FHIT: variants seen among roughly 807,000 people sequenced by gnomAD.
FHIT encodes the protein bis(5'-adenosyl)-triphosphatase.
Under a neutral mutation model 17.9 loss-of-function variants are expected in FHIT, and 19 were observed. That is an observed-to-expected ratio of 1.06 (90% CI 0.74 to 1.56). FHIT has a LOEUF of 1.56. Among genes scored for constraint, FHIT ranks in the 40% most tolerant of loss-of-function variants. FHIT has a pLI of 0.00. For synonymous variants in FHIT, 81 were observed against 69.7 expected (o/e 1.16, Z -0.81); for missense variants, 248 against 189.2 (o/e 1.31, Z -1.82).
chr3:60,529,125 T>A (rs1014627578), intron 5 of FHIT, among the ~76,000 whole-genome samples: 1 of 152,200 alleles, frequency 6.6e-6, no homozygotes, highest in African/African-American at 2.4e-5. Context: ...ATAAGTCCAA[T>A]GTAGGATTTG....
intron 4 of FHIT, among the ~76,000 whole-genome samples, chr3:60,663,629 G>A (rs1425629877): frequency 1.3e-5 from 2 of 151,898 alleles, no homozygotes; most frequent in Admixed American, 6.6e-5. Flanking sequence ...AAGAGAGGGG[G>A]TTTCATCATG....
chr3:60,523,503 A>G (rs1295815448), intron 5 of FHIT, among the ~76,000 whole-genome samples: 2 of 152,190 alleles, frequency 1.3e-5, no homozygotes, highest in African/African-American at 4.8e-5. Context: ...TCAGAAAGAA[A>G]TAGAGATCTA....
intron 5 of FHIT, among the ~76,000 whole-genome samples, chr3:60,053,811 C>T (rs1575986690): frequency 6.6e-6 from 1 of 152,128 alleles, no homozygotes; most frequent in East Asian, 1.9e-4. Flanking sequence ...GTCCTTTCCT[C>T]ATATAACCTC....
chr3:60,572,720 T>C (rs1488810956), intron 4 of FHIT, among the ~76,000 whole-genome samples: 4 of 152,180 alleles, frequency 2.6e-5, no homozygotes, highest in Non-Finnish European at 5.9e-5. Context: ...ATGGAAAGGA[T>C]AGAAGGCTTT....
chr3:61,059,545 T>G (rs1294108558), intron 2 of FHIT, among the ~76,000 whole-genome samples: 1 of 152,144 alleles, frequency 6.6e-6, no homozygotes, highest in Non-Finnish European at 1.5e-5. Flanking sequence ...GAGCAGTATT[T>G]TCATTTGTAA....
intron 2 of FHIT, among the ~76,000 whole-genome samples, chr3:61,121,807 A>C (rs2036465119): frequency 6.6e-6 from 1 of 152,192 alleles, no homozygotes; most frequent in Non-Finnish European, 1.5e-5. Context: ...AAATTGGAAA[A>C]ACAGTTAAGA....
intron 3 of FHIT, among the ~76,000 whole-genome samples, chr3:60,904,480 C>CAA (rs36117889): frequency 4.4e-5 from 6 of 136,418 alleles, no homozygotes; most frequent in Non-Finnish European, 4.7e-5. Context: ...AATCCAAATG[C>CAA]AAAAAAAAAA....
chr3:59,840,523 C>G (rs899138789), intron 8 of FHIT, among the ~76,000 whole-genome samples: 2 of 152,148 alleles, frequency 1.3e-5, no homozygotes, highest in Non-Finnish European at 2.9e-5. Context: ...CCAGTCCCTT[C>G]TGTAGGAGAT....
chr3:60,468,886 A>C (rs1165265278), intron 5 of FHIT, among the ~76,000 whole-genome samples: 1 of 152,076 alleles, frequency 6.6e-6, no homozygotes, highest in African/African-American at 2.4e-5. Context: ...TTTGTCTGGG[A>C]AAGTCTTTAT....
intron 4 of FHIT, among the ~76,000 whole-genome samples, chr3:60,590,053 C>T (rs537223648): frequency 1.8e-3 from 274 of 152,132 alleles, no homozygotes; most frequent in African/African-American, 6.2e-3. Context: ...AAGGAGTCCT[C>T]TTTTAATTTT....
intron 8 of FHIT, among the ~76,000 whole-genome samples, chr3:59,828,399 G>T (rs1254311838): frequency 6.6e-6 from 1 of 152,114 alleles, no homozygotes; most frequent in Non-Finnish European, 1.5e-5. Context: ...ATATAATTTT[G>T]GTTTTCTGCT....
intron 5 of FHIT, among the ~76,000 whole-genome samples, chr3:60,204,511 G>A (rs1703075083): frequency 6.8e-6 from 1 of 147,912 alleles, no homozygotes; most frequent in African/African-American, 2.5e-5. Context: ...GACTGGTCTT[G>A]AACTCCCGGG....
chr3:60,711,885 A>G (rs2041543743), intron 4 of FHIT, among the ~76,000 whole-genome samples: 1 of 152,242 alleles, frequency 6.6e-6, no homozygotes. Flanking sequence ...ACAATCTAGC[A>G]AGGCAGGCCA....
intron 5 of FHIT, among the ~76,000 whole-genome samples, chr3:60,435,458 G>A (rs2734378): frequency 0.72 from 108,542 of 151,684 alleles, 39,083 homozygotes; most frequent in East Asian, 0.83. Context: ...TTTTTTACCA[G>A]CAACTTGATT....
At chr3:60,502,325 C>A (rs1376757991) in intron 5 of FHIT, among the ~76,000 whole-genome samples, 1 of 152,108 alleles carries the variant, frequency 6.6e-6, no homozygotes, top group Non-Finnish European at 1.5e-5. Context: ...AAGACCTGGG[C>A]CACCATGAAC....
intron 5 of FHIT, among the ~76,000 whole-genome samples, chr3:60,271,057 C>T (rs1706840620): frequency 6.6e-6 from 1 of 152,096 alleles, no homozygotes; most frequent in Non-Finnish European, 1.5e-5. Context: ...TGGACTGCTG[C>T]TATTTGGGGG....
chr3:60,039,768 A>G (rs955147240), intron 5 of FHIT, among the ~76,000 whole-genome samples: 5 of 152,218 alleles, frequency 3.3e-5, no homozygotes, highest in South Asian at 4.1e-4. Flanking sequence ...GTGCAGTCCA[A>G]TGGAAGATCT....
intron 8 of FHIT, among the ~76,000 whole-genome samples, chr3:59,798,196 C>G (rs1699854964): frequency 6.6e-6 from 1 of 152,192 alleles, no homozygotes; most frequent in Non-Finnish European, 1.5e-5. Flanking sequence ...GACAGTATTT[C>G]AGCTCAGAAA....
chr3:60,159,235 C>G (rs1700836362), intron 5 of FHIT, among the ~76,000 whole-genome samples: 1 of 152,232 alleles, frequency 6.6e-6, no homozygotes, highest in Admixed American at 6.5e-5. Context: ...ATCCTCCTGC[C>G]TCAGCCCTCC....
Sources: gnomAD v4.1 joint callset for allele counts (sites outside exome capture counted in the v4.1 genomes callset) on GRCh38, gnomAD v4.1.1 for gene constraint, MANE v1.5 for transcripts, NCBI Gene and HGNC (gene_info 2026-07-23, HGNC 2026-07-21) for gene names.